The following DEPDC1B variants were observed in gnomAD, a reference collection of about 807,000 sequenced individuals.
DEPDC1B encodes DEP domain containing 1B.
DEPDC1B carries 51 observed loss-of-function variants against 66.5 expected under a neutral mutation model. The observed-to-expected ratio is 0.77, with a 90% CI of 0.61 to 0.97. The LOEUF is 0.97. Among genes scored for constraint, DEPDC1B ranks in the 50% least tolerant of loss-of-function variants. DEPDC1B has a pLI of 0.00. For synonymous variants in DEPDC1B, 226 were observed against 223.6 expected (o/e 1.01, Z -0.10); for missense variants, 552 against 637.1 (o/e 0.87, Z 1.44).
Position 60,700,154 on chromosome 5 carries a change from A to G in DEPDC1B, c.-61T>C. On this transcript the variant is annotated 5_prime_UTR_variant, in exon 1 of 11. Transcript: ENST00000265036. ...GCTGATCCCCGCCAGCCGGAGGAGC[A>G]GCAGTTTGAATCCCAAGCCCGCGGG... The G allele has an allele frequency of 1.3e-6, 2 of 1,513,992 alleles. No individual in the cohort carries two copies. Among genetic ancestry groups the G allele is most frequent in the South Asian group, 1.2e-5 (1 of 81,218 alleles). The allele number at this position is 1,513,992 out of a possible 1,614,324, so 93.8% of individuals were successfully genotyped here.
At chr5:60,693,409 G>C (rs922350670) in intron 1 of DEPDC1B, among the ~76,000 whole-genome samples, 1 of 152,134 alleles carries the variant, frequency 6.6e-6, no homozygotes, top group Non-Finnish European at 1.5e-5. Flanking sequence ...CAAGAACGCT[G>C]ATTTAACTTC....
In DEPDC1B at chr5:60,654,323, C is replaced by T. The variant is rs117965103; in HGVS notation, c.315-6790G>A. ...TTTCTTTGTAGAGATCTTTCCCCTT[C>T]TTGATTAGGTATATTCCCTAAGTTT... On this transcript the variant is annotated intron_variant, in intron 2 of 10. Coordinates refer to ENST00000265036, the MANE Select transcript of DEPDC1B (RefSeq NM_018369.3). Among the ~76,000 whole-genome samples, 989 of 146,296 alleles carry T rather than the reference C, an allele frequency of 6.8e-3. 147 individuals are homozygous for T. The East Asian group carries it at 0.08, about 12-fold the overall frequency.
intron 2 of DEPDC1B, among the ~76,000 whole-genome samples, chr5:60,681,535 T>G (rs1754296414): frequency 6.6e-6 from 1 of 152,136 alleles, no homozygotes; most frequent in South Asian, 2.1e-4. Flanking sequence ...TCCATAAAAC[T>G]AGAAGAAGCA....
intron 8 of DEPDC1B, among the ~76,000 whole-genome samples, chr5:60,604,215 A>ATTTTTT (rs1323826916): frequency 8.3e-5 from 5 of 60,086 alleles, no homozygotes; most frequent in East Asian, 1.2e-3. Flanking sequence ...GAAATTAACT[A>ATTTTTT]TTCTTTTTTT....
chr5:60,677,326 A>ACACACACACACTCTCTCT, intron 2 of DEPDC1B, among the ~76,000 whole-genome samples: 1 of 108,564 alleles, frequency 9.2e-6, no homozygotes, highest in African/African-American at 4.0e-5. Context: ...ACACACACAC[A>ACACACACACACTCTCTCT]CTCTCTCTCT....
Position 60,638,851 on chromosome 5 carries a change from C to T in DEPDC1B, c.797G>A (p.Gly266Glu), listed in dbSNP as rs781775948. Residue 266 changes from glycine to glutamate, a missense_variant, in exon 7 of 11, where the codon GGA becomes GAA. By Grantham distance (98) the Gly-to-Glu change is moderately conservative. Transcript: ENST00000265036. ...CSDLKQPMYL[G>E]FEKDVFKTIA... ...GGTTTTAAAGACATCTTTTTCAAAT[C>T]CCAAGTACATAGGCTGCTTCAAATC... 5.1e-5 allele frequency: 82 copies of T among 1,613,028 alleles called. 1 individual carries two copies. Among genetic ancestry groups the T allele is most frequent in the South Asian group, 7.7e-5 (7 of 90,930 alleles).
At chr5:60,627,372 T>A (rs1011329440) in intron 7 of DEPDC1B, among the ~76,000 whole-genome samples, 1 of 152,146 alleles carries the variant, frequency 6.6e-6, no homozygotes, top group Non-Finnish European at 1.5e-5. Context: ...TATGATTTTT[T>A]AAAAGCTTCT....
At chr5:60,630,426 G>A (rs1483883339) in intron 7 of DEPDC1B, 2 of 152,304 alleles carry the variant, frequency 1.3e-5, no homozygotes, top group African/African-American at 4.8e-5. Context: ...ACCAAGAGCA[G>A]GCAACCTGGC....
At chr5:60,683,219 C>A (rs1370003382) in intron 2 of DEPDC1B, among the ~76,000 whole-genome samples, 1 of 152,142 alleles carries the variant, frequency 6.6e-6, no homozygotes, top group East Asian at 1.9e-4. Flanking sequence ...TTCTTGAGCT[C>A]AGGGGTTCAA....
intron 7 of DEPDC1B, among the ~76,000 whole-genome samples, chr5:60,614,552 TTC>T (rs1321181057): frequency 1.3e-5 from 2 of 152,218 alleles, no homozygotes; most frequent in African/African-American, 2.4e-5. Flanking sequence ...GCTTAATCTC[TTC>T]TCTTTTTTTT....
At chr5:60,640,856 T>C (rs1057429231) in intron 6 of DEPDC1B, among the ~76,000 whole-genome samples, 1 of 152,210 alleles carries the variant, frequency 6.6e-6, no homozygotes, top group African/African-American at 2.4e-5. Context: ...AAGAAACAGG[T>C]TGTGACTTTG....
At chr5:60,671,077 T>C (rs1320033623) in intron 2 of DEPDC1B, among the ~76,000 whole-genome samples, 1 of 152,136 alleles carries the variant, frequency 6.6e-6, no homozygotes, top group Non-Finnish European at 1.5e-5. Context: ...AGTGCATGAT[T>C]ACCATGGGTC....
chr5:60,606,081 T>C (rs561523023), intron 7 of DEPDC1B, among the ~76,000 whole-genome samples: 31 of 152,172 alleles, frequency 2.0e-4, no homozygotes, highest in Middle Eastern at 6.8e-3. Context: ...AATACAGCCA[T>C]TTTCTCCTCC....
intron 8 of DEPDC1B, among the ~76,000 whole-genome samples, chr5:60,605,070 A>C (rs1311490342): frequency 6.6e-6 from 1 of 152,220 alleles, no homozygotes; most frequent in East Asian, 1.9e-4. Context: ...AGATTTTGCT[A>C]GTAAGTAAAT....
intron 7 of DEPDC1B, among the ~76,000 whole-genome samples, chr5:60,633,272 C>T (rs912313732): frequency 6.6e-6 from 1 of 152,188 alleles, no homozygotes. Context: ...AGTGTTCACA[C>T]TTTAACAAGA....
Position 60,687,170 on chromosome 5 carries a change from G to C in DEPDC1B, c.106C>G (p.Arg36Gly), listed in dbSNP as rs202011984. ...AKMPLRKHRCRFKSYEHCFTA... is the reference protein window; with the variant it reads ...AKMPLRKHRCGFKSYEHCFTA... ...AAACAATGCTCATAGCTCTTGAAAC[G>C]ACAGCGATGTTTCCGTAACGGCATC... Residue 36 changes from arginine (R) to glycine (G), a missense_variant, in exon 2 of 11, where the codon CGT becomes GGT. Transcript: ENST00000265036. The C allele has an allele frequency of 6.2e-7, 1 of 1,613,992 alleles. No homozygotes were observed. The highest frequency in any genetic ancestry group is 8.5e-7 in the Non-Finnish European group (1 of 1,179,880).
At chr5:60,681,679 T>C (rs535036082) in intron 2 of DEPDC1B, among the ~76,000 whole-genome samples, 2 of 152,254 alleles carry the variant, frequency 1.3e-5, no homozygotes, top group Admixed American at 1.3e-4. Flanking sequence ...ATGAAATGTC[T>C]GAAAAAGAAT....
At chr5:60,682,112 C>A (rs1345983729) in intron 2 of DEPDC1B, among the ~76,000 whole-genome samples, 3 of 152,096 alleles carry the variant, frequency 2.0e-5, no homozygotes, top group Non-Finnish European at 4.4e-5. Flanking sequence ...AAAAAACCAA[C>A]CCAAATGTCC....
chr5:60,620,029 A>G (rs905990466), intron 7 of DEPDC1B, among the ~76,000 whole-genome samples: 1 of 152,222 alleles, frequency 6.6e-6, no homozygotes, highest in Non-Finnish European at 1.5e-5. Flanking sequence ...GACAAAAACA[A>G]GAAATGGGGA....
Sources: gnomAD v4.1 joint callset for allele counts (sites outside exome capture counted in the v4.1 genomes callset) on GRCh38, gnomAD v4.1.1 for gene constraint, MANE v1.5 for transcripts, NCBI Gene and HGNC (gene_info 2026-07-23, HGNC 2026-07-21) for gene names.